The following DNAJC5B variants were observed in gnomAD, a reference collection of about 807,000 sequenced individuals.
The protein encoded by DNAJC5B is DnaJ heat shock protein family (Hsp40) member C5 beta.
A neutral mutation model predicts 24.7 loss-of-function variants in DNAJC5B; 23 were observed. The ratio of observed to expected loss-of-function variants is 0.93; its 90% confidence interval spans 0.67 to 1.32. DNAJC5B has a LOEUF of 1.32. Among genes scored for constraint, DNAJC5B ranks in the 40% most tolerant of loss-of-function variants. The probability of loss-of-function intolerance (pLI) is 0.00; values close to 1 mark genes in which losing one functional copy is unlikely to be tolerated. For missense variants in DNAJC5B, 238 were observed against 240.8 expected (o/e 0.99, Z 0.08); for synonymous variants, 101 against 90.1 (o/e 1.12, Z -0.68).
chr8:66,046,993 G>A (rs1806735748), intron 2 of DNAJC5B, among the ~76,000 whole-genome samples: 1 of 152,224 alleles, frequency 6.6e-6, no homozygotes, highest in Non-Finnish European at 1.5e-5. Flanking sequence ...GGATCTCAGG[G>A]CAAGACAAAT....
intron 3 of DNAJC5B, among the ~76,000 whole-genome samples, chr8:66,052,233 C>T (rs1324476856): frequency 6.6e-6 from 1 of 151,308 alleles, no homozygotes; most frequent in Admixed American, 6.6e-5. Flanking sequence ...GCTGGGATTA[C>T]AGGCATGAGC....
rs554657690 is a variant in DNAJC5B at position 66,058,779 on chromosome 8, G to A, written c.119+7113G>A. 8.6e-4 allele frequency among the ~76,000 whole-genome samples: 131 copies of A among 152,244 alleles called. 1 individual carries two copies. The highest frequency in any genetic ancestry group is 3.4e-3 in the Middle Eastern group (1 of 294). On this transcript the variant is annotated intron_variant, in intron 3 of 5. Transcript: ENST00000276570. ...ACTTCATTAGTCAGCTGATAAAATG[G>A]AGTCCCCAGCTACCTCAAATGACAG...
At chr8:66,051,794 G>A (rs992826523) in intron 3 of DNAJC5B, 128 bp downstream of exon 3, 2 of 698,054 alleles carry the variant, frequency 2.9e-6, no homozygotes, top group Non-Finnish European at 5.0e-6. Flanking sequence ...AATGTTCCCT[G>A]CTCTACAACA....
At chr8:66,066,607 T>C (rs1586095349) in intron 3 of DNAJC5B, among the ~76,000 whole-genome samples, 2 of 152,168 alleles carry the variant, frequency 1.3e-5, no homozygotes, top group East Asian at 3.8e-4. Context: ...GAGGCCATTA[T>C]TCTAAATAGA....
chr8:66,069,391 A>G (rs1224191127), intron 3 of DNAJC5B, among the ~76,000 whole-genome samples: 1 of 152,172 alleles, frequency 6.6e-6, no homozygotes, highest in Admixed American at 6.6e-5. Flanking sequence ...GCAGATGCTT[A>G]CCAAAAGAAA....
intron 3 of DNAJC5B, among the ~76,000 whole-genome samples, chr8:66,073,516 T>C (rs1807396279): frequency 6.6e-6 from 1 of 152,090 alleles, no homozygotes; most frequent in Non-Finnish European, 1.5e-5. Flanking sequence ...TGTATGTGTG[T>C]GTGTGTAAAT....
At chr8:66,078,055 G>A (rs1021554631) in intron 4 of DNAJC5B, among the ~76,000 whole-genome samples, 1 of 151,872 alleles carries the variant, frequency 6.6e-6, no homozygotes, top group East Asian at 1.9e-4. Flanking sequence ...ACCTCTGGGC[G>A]TGACACTCTT....
chr8:66,051,158 T>C (rs1158066448), intron 2 of DNAJC5B, among the ~76,000 whole-genome samples: 1 of 152,106 alleles, frequency 6.6e-6, no homozygotes, highest in East Asian at 1.9e-4. Context: ...CTGGCTAAAT[T>C]TGGAAAATAT....
intron 1 of DNAJC5B, among the ~76,000 whole-genome samples, chr8:66,024,493 G>T (rs1806213062): frequency 8.3e-6 from 1 of 120,346 alleles, no homozygotes; most frequent in Admixed American, 8.6e-5. Context: ...AGTTACATAT[G>T]TATACATGTG....
intron 1 of DNAJC5B, among the ~76,000 whole-genome samples, chr8:66,028,691 C>G (rs2128955968): frequency 6.6e-6 from 1 of 152,286 alleles, no homozygotes; most frequent in East Asian, 1.9e-4. Context: ...ATCTCCACAT[C>G]TTTCCCGAAC....
chr8:66,018,737 G>GTA (rs1554584316), upstream of DNAJC5B, among the ~76,000 whole-genome samples: 88 of 150,612 alleles, frequency 5.8e-4, no homozygotes, highest in East Asian at 3.1e-3. Context: ...GTGGGAATCT[G>GTA]TATATATATA....
At chr8:66,066,724 G>C (rs541235045) in intron 3 of DNAJC5B, among the ~76,000 whole-genome samples, 1 of 152,008 alleles carries the variant, frequency 6.6e-6, no homozygotes, top group South Asian at 2.1e-4. Flanking sequence ...GACTCAGAAG[G>C]GGGAGGGTAG....
At chr8:66,051,754 A>G (rs9298109) in intron 3 of DNAJC5B, 88 bp downstream of exon 3, 220,109 of 1,001,286 alleles carry the variant, frequency 0.22, 33,401 homozygotes, top group African/African-American at 0.68. Context: ...TAAGCTTCTC[A>G]CTAAGACCAG....
At chr8:66,071,031 C>T (rs944579382) in intron 3 of DNAJC5B, among the ~76,000 whole-genome samples, 2 of 152,116 alleles carry the variant, frequency 1.3e-5, no homozygotes, top group African/African-American at 4.8e-5. Context: ...CCCTTCCTTA[C>T]ACCTTATACA....
At chr8:66,040,197 C>A (rs1466009794) in intron 1 of DNAJC5B, among the ~76,000 whole-genome samples, 1 of 152,054 alleles carries the variant, frequency 6.6e-6, no homozygotes, top group Admixed American at 6.6e-5. Flanking sequence ...CGAGACCATC[C>A]TGGCCAACAT....
At chr8:66,022,890 C>A (rs913737012) in intron 1 of DNAJC5B, among the ~76,000 whole-genome samples, 4 of 152,184 alleles carry the variant, frequency 2.6e-5, no homozygotes, top group Non-Finnish European at 4.4e-5. Context: ...CTCATTGGCC[C>A]AGTTTTTAGG....
chr8:66,074,412 T>C (rs562596652), intron 3 of DNAJC5B, among the ~76,000 whole-genome samples: 1 of 152,356 alleles, frequency 6.6e-6, no homozygotes, highest in African/African-American at 2.4e-5. Flanking sequence ...ATAAACCACA[T>C]GTTTATCTTA....
chr8:66,080,547 AG>A lies in DNAJC5B; in HGVS notation c.505+1del. 6.2e-7 allele frequency: 1 copy of A among 1,602,438 alleles called. No individual in the cohort carries two copies. On this transcript the variant is annotated frameshift_variant and splice_region_variant, in exon 5 of 6. Coordinates refer to ENST00000276570, the MANE Select transcript of DNAJC5B (RefSeq NM_033105.6). LOFTEE classifies it high-confidence loss of function. ...AGCAGATCAAGTCTGACATGGAAAA[AG>A]GTGGGGTAGGATGAGAGCAGAGGTA... Reference protein sequence around the residue: ...EEQIKSDMEKDVDFPVFLQPT... With the variant: ...EEQIKSDMEKXVDFPVFLQPT...
At chr8:66,026,661 C>A (rs1039466979) in intron 1 of DNAJC5B, among the ~76,000 whole-genome samples, 1 of 152,236 alleles carries the variant, frequency 6.6e-6, no homozygotes, top group African/African-American at 2.4e-5. Flanking sequence ...GCCTTTGTAA[C>A]CTGAGGCCTG....
Sources: allele counts gnomAD v4.1 joint callset (sites outside exome capture counted in the v4.1 genomes callset), GRCh38; gene constraint gnomAD v4.1.1; transcripts MANE v1.5; gene names NCBI Gene and HGNC (gene_info 2026-07-23, HGNC 2026-07-21).